Variants in KIAA1217 observed in about 807,000 individuals in gnomAD.
KIAA1217 encodes the protein KIAA1217, also known as sickle tail protein homolog.
In KIAA1217, 88 loss-of-function variants were observed where a neutral mutation model predicts 163.9. The observed-to-expected ratio is 0.54, with a 90% CI of 0.45 to 0.64. The LOEUF (loss-of-function observed/expected upper bound fraction) is 0.64, where lower values mean the gene tolerates loss of function less well. Among genes scored for constraint, KIAA1217 ranks in the 30% least tolerant of loss-of-function variants. The pLI, the probability that KIAA1217 is intolerant of heterozygous loss-of-function variation, is 0.00. For missense variants in KIAA1217, 2,372 were observed against 2,475.0 expected, an observed-to-expected ratio of 0.96 and a Z score of 0.88; for synonymous variants, 903 against 923.1, an observed-to-expected ratio of 0.98 and a Z score of 0.39.
intron 1 of KIAA1217, among the ~76,000 whole-genome samples, chr10:23,758,686 CTT>C (rs34055872): frequency 0.34 from 20,352 of 59,538 alleles, 2,186 homozygotes; most frequent in Middle Eastern, 0.44. Context: ...TTCTTTCTTT[CTT>C]TTTTTTTTTT....
At chr10:23,978,421 T>A (rs1845629642) in intron 1 of KIAA1217, among the ~76,000 whole-genome samples, 1 of 152,196 alleles carries the variant, frequency 6.6e-6, no homozygotes, top group Non-Finnish European at 1.5e-5. Flanking sequence ...TGTGTGGGTG[T>A]CTTTTCTGAT....
chr10:24,520,929 C>T (rs906582948), intron 11 of KIAA1217, among the ~76,000 whole-genome samples: 6 of 149,866 alleles, frequency 4.0e-5, no homozygotes, highest in Non-Finnish European at 8.9e-5. Context: ...CGGTGGCTCA[C>T]GCCTGCAATC....
At chr10:24,464,272 T>C (rs142570391) in intron 5 of KIAA1217, among the ~76,000 whole-genome samples, 267 of 152,280 alleles carry the variant, frequency 1.8e-3, no homozygotes, top group African/African-American at 6.3e-3. Flanking sequence ...ATTACTGCTC[T>C]TGTAATGACG....
chr10:24,358,599 G>C (rs1388291601), intron 2 of KIAA1217, among the ~76,000 whole-genome samples: 1 of 152,152 alleles, frequency 6.6e-6, no homozygotes, highest in African/African-American at 2.4e-5. Flanking sequence ...ATCAAAGTAG[G>C]AAGGGTGGAT....
chr10:24,384,600 G>A (rs1210408331), intron 3 of KIAA1217, among the ~76,000 whole-genome samples: 1 of 152,172 alleles, frequency 6.6e-6, no homozygotes, highest in African/African-American at 2.4e-5. Context: ...GCAGTGGAAC[G>A]ATCTCGGCTC....
upstream of KIAA1217, among the ~76,000 whole-genome samples, chr10:24,206,821 G>A (rs939044970): frequency 7.9e-5 from 12 of 151,892 alleles, no homozygotes; most frequent in Non-Finnish European, 1.5e-4. Context: ...GGCCCGTATG[G>A]GGGAGGGGAG....
At chr10:24,462,162 T>C (rs2062474324) in intron 5 of KIAA1217, among the ~76,000 whole-genome samples, 1 of 151,116 alleles carries the variant, frequency 6.6e-6, no homozygotes, top group Non-Finnish European at 1.5e-5. Flanking sequence ...ATAATATATA[T>C]AAGCATATAT....
intron 1 of KIAA1217, among the ~76,000 whole-genome samples, chr10:23,708,905 C>G (rs1837058471): frequency 1.3e-5 from 2 of 152,002 alleles, no homozygotes; most frequent in African/African-American, 4.8e-5. Flanking sequence ...CAGACTAGAG[C>G]TTTGTTTTGG....
chr10:23,766,587 CTTTTTTCTTT>C (rs1834535094), intron 1 of KIAA1217, among the ~76,000 whole-genome samples: 1 of 133,758 alleles, frequency 7.5e-6, no homozygotes, highest in African/African-American at 3.0e-5. Context: ...TTCTTTCTTT[CTTTTTTCTTT>C]TTTTTTTTTG....
intron 1 of KIAA1217, among the ~76,000 whole-genome samples, chr10:23,707,075 G>T (rs1348685857): frequency 6.6e-6 from 1 of 152,122 alleles, no homozygotes; most frequent in Non-Finnish European, 1.5e-5. Context: ...TTACCAAAAA[G>T]TTTAAATAGA....
chr10:24,067,503 A>G (rs1466621437), intron 2 of KIAA1217, among the ~76,000 whole-genome samples: 1 of 152,088 alleles, frequency 6.6e-6, no homozygotes, highest in South Asian at 2.1e-4. Flanking sequence ...CTCCTCTGGA[A>G]GTTTTGTCTC....
chr10:24,301,668 CA>C (rs1304565403), intron 2 of KIAA1217, among the ~76,000 whole-genome samples: 2 of 151,834 alleles, frequency 1.3e-5, no homozygotes, highest in African/African-American at 4.8e-5. Flanking sequence ...ACTTTGCTTG[CA>C]AAAAATGTTT....
At chr10:24,376,211 A>G (rs976395147) in intron 2 of KIAA1217, among the ~76,000 whole-genome samples, 1 of 152,256 alleles carries the variant, frequency 6.6e-6, no homozygotes, top group Non-Finnish European at 1.5e-5. Flanking sequence ...CTAGCTACAT[A>G]TATCTATGGA....
chr10:23,747,957 A>C (rs1019375397), intron 1 of KIAA1217, among the ~76,000 whole-genome samples: 4 of 152,152 alleles, frequency 2.6e-5, no homozygotes, highest in African/African-American at 4.8e-5. Context: ...TGTGCGCTAC[A>C]CCTGGATTCC....
intron 1 of KIAA1217, among the ~76,000 whole-genome samples, chr10:23,783,650 G>C (rs58465509): frequency 3.2e-3 from 482 of 152,136 alleles, no homozygotes; most frequent in African/African-American, 0.011. Flanking sequence ...ATTTTTCTTT[G>C]AGTGTTTGGT....
intron 1 of KIAA1217, among the ~76,000 whole-genome samples, chr10:23,887,697 A>C (rs1410362105): frequency 6.6e-6 from 1 of 151,742 alleles, no homozygotes; most frequent in Admixed American, 6.6e-5. Context: ...AAGAACCTGA[A>C]ATTTTATTTT....
rs1374892484 is a variant in KIAA1217 at position 24,434,455 on chromosome 10, T to C, written c.752+1262T>C. 4.6e-5 allele frequency among the ~76,000 whole-genome samples: 7 copies of C among 152,270 alleles called. No individual in the cohort carries two copies. In the East Asian group the frequency reaches 1.4e-3, roughly 30 times the overall value. On this transcript the variant is annotated intron_variant, in intron 4 of 20. Coordinates refer to ENST00000376454, the MANE Select transcript of KIAA1217 (RefSeq NM_019590.5). ...TGGGCTCAAATGATCCTCCCACCTC[T>C]GCCTTCCGAGTAGCTGGCACTACCG...
chr10:24,192,172 C>T (rs889359294), intron 2 of KIAA1217, among the ~76,000 whole-genome samples: 1 of 152,086 alleles, frequency 6.6e-6, no homozygotes, highest in Non-Finnish European at 1.5e-5. Context: ...TGGTGAAGAG[C>T]GGAACAGTCA....
chr10:24,089,657 C>G (rs2061849094), intron 2 of KIAA1217, among the ~76,000 whole-genome samples: 1 of 151,786 alleles, frequency 6.6e-6, no homozygotes, highest in Admixed American at 6.6e-5. Context: ...TGGTCTGTAT[C>G]TCTGTTTGGG....
Sources: allele counts gnomAD v4.1 joint callset (sites outside exome capture counted in the v4.1 genomes callset), GRCh38; gene constraint gnomAD v4.1.1; transcripts MANE v1.5; gene names NCBI Gene and HGNC (gene_info 2026-07-23, HGNC 2026-07-21).